Variants in GDPD5 observed in about 807,000 individuals in gnomAD.
The protein encoded by GDPD5 is glycerophosphodiester phosphodiesterase 2.
GDPD5 carries 48 observed loss-of-function variants against 75.1 expected under a neutral mutation model. The ratio of observed to expected loss-of-function variants is 0.64; its 90% CI spans 0.51 to 0.81. The LOEUF (loss-of-function observed/expected upper bound fraction) is 0.81. GDPD5 is among the 40% of genes least tolerant of loss of function. The pLI is 0.00. For missense variants in GDPD5, 706 were observed against 822.6 expected (o/e 0.86, Z 1.73); for synonymous variants, 336 against 339.0 (o/e 0.99, Z 0.10).
At chr11:75,462,184 G>A (rs1949428329) in intron 4 of GDPD5, among the ~76,000 whole-genome samples, 1 of 152,204 alleles carries the variant, frequency 6.6e-6, no homozygotes, top group South Asian at 2.1e-4. Context: ...GGTAACCAAA[G>A]GGCCCTGCCC....
chr11:75,441,939 G>T, intron 12 of GDPD5, 136 bp from the exon 13 acceptor site: 1 of 895,178 alleles, frequency 1.1e-6, no homozygotes, highest in Non-Finnish European at 1.7e-6. Context: ...TCATTAGCAG[G>T]GCAGGACTCA....
chr11:75,466,016 T>A (rs1161663893), intron 3 of GDPD5, among the ~76,000 whole-genome samples: 1 of 152,142 alleles, frequency 6.6e-6, no homozygotes, highest in Admixed American at 6.5e-5. Context: ...TCCTCAAGTG[T>A]CCAGATCCTT....
intron 3 of GDPD5, among the ~76,000 whole-genome samples, chr11:75,473,449 G>T (rs149521386): frequency 2.0e-5 from 3 of 152,010 alleles, no homozygotes; most frequent in African/African-American, 7.2e-5. Context: ...CAGCCAGTCC[G>T]TTGATACCTT....
intron 1 of GDPD5, among the ~76,000 whole-genome samples, chr11:75,523,545 G>A (rs548167295): frequency 5.9e-5 from 9 of 152,180 alleles, no homozygotes; most frequent in Non-Finnish European, 1.3e-4. Flanking sequence ...AACTGAGCAG[G>A]TAACACACAG....
intron 9 of GDPD5, among the ~76,000 whole-genome samples, chr11:75,447,388 T>G (rs482503): frequency 0.56 from 85,617 of 151,970 alleles, 25,091 homozygotes; most frequent in East Asian, 0.8. Flanking sequence ...ACAGCATTGT[T>G]GCTATGCATC....
At chr11:75,495,850 C>A (rs1055104482) in intron 1 of GDPD5, among the ~76,000 whole-genome samples, 7 of 152,220 alleles carry the variant, frequency 4.6e-5, no homozygotes, top group Non-Finnish European at 8.8e-5. Flanking sequence ...GGCCTAGACC[C>A]CCTGTGCTGG....
At chr11:75,482,644 G>T (rs1949944418) in intron 2 of GDPD5, among the ~76,000 whole-genome samples, 1 of 152,200 alleles carries the variant, frequency 6.6e-6, no homozygotes, top group Non-Finnish European at 1.5e-5. Context: ...CAGCTGGACT[G>T]AACTTCCTAA....
At chr11:75,480,196 A>G (rs1169342926) in intron 2 of GDPD5, among the ~76,000 whole-genome samples, 1 of 152,090 alleles carries the variant, frequency 6.6e-6, no homozygotes, top group Non-Finnish European at 1.5e-5. Flanking sequence ...TTAGCTGGGC[A>G]TGGTGGTGGG....
intron 3 of GDPD5, among the ~76,000 whole-genome samples, chr11:75,471,268 A>G (rs372941009): frequency 3.9e-5 from 6 of 152,126 alleles, no homozygotes; most frequent in East Asian, 3.9e-4. Flanking sequence ...CTGATCCGGG[A>G]GATTTGGGGG....
In GDPD5 at chr11:75,482,045, TC is replaced by T. The variant is rs1450009923; in HGVS notation, c.-60-4251del. ...ATGCACGTGGGAGCCCGCCCCAGGT[TC>T]CCCTGCCTTCACACTCCTTTCCCGG... On this transcript the variant is annotated intron_variant, in intron 2 of 16. Transcript: ENST00000336898. Among the ~76,000 whole-genome samples, 5 of 152,018 alleles carry T rather than the reference TC, an allele frequency of 3.3e-5. 1 individual carries two copies. Among genetic ancestry groups the T allele is most frequent in the African/African-American group, 7.3e-5 (3 of 41,370 alleles).
At chr11:75,506,490 T>C (rs987421658) in intron 1 of GDPD5, among the ~76,000 whole-genome samples, 3 of 152,186 alleles carry the variant, frequency 2.0e-5, no homozygotes, top group Non-Finnish European at 4.4e-5. Flanking sequence ...CGGCTGCTAC[T>C]TAAATCGCAC....
chr11:75,472,133 T>C (rs527426281), intron 3 of GDPD5, among the ~76,000 whole-genome samples: 1 of 152,202 alleles, frequency 6.6e-6, no homozygotes, highest in African/African-American at 2.4e-5. Flanking sequence ...CATGATCTAA[T>C]TGTATCTGTA....
At chr11:75,510,478 C>T (rs1950490765) in intron 1 of GDPD5, among the ~76,000 whole-genome samples, 1 of 152,202 alleles carries the variant, frequency 6.6e-6, no homozygotes, top group Non-Finnish European at 1.5e-5. Flanking sequence ...CTCAGACCCT[C>T]AAAATCTGCC....
intron 6 of GDPD5, chr11:75,451,849 C>T: frequency 6.6e-6 from 1 of 152,298 alleles, no homozygotes; most frequent in East Asian, 1.9e-4. Context: ...AGCAGCATCA[C>T]TGCATGTTCA....
chr11:75,509,449 A>G (rs1393802375), intron 1 of GDPD5, among the ~76,000 whole-genome samples: 1 of 152,236 alleles, frequency 6.6e-6, no homozygotes. Flanking sequence ...CAGTGAGCTG[A>G]TGCCAGGGAG....
At chr11:75,504,267 T>C (rs1413950709) in intron 1 of GDPD5, among the ~76,000 whole-genome samples, 1 of 152,194 alleles carries the variant, frequency 6.6e-6, no homozygotes, top group Non-Finnish European at 1.5e-5. Context: ...ACATGAACAA[T>C]TTCTACTCCT....
chr11:75,456,516 C>T, intron 6 of GDPD5: 1 of 561,642 alleles, frequency 1.8e-6, no homozygotes. Flanking sequence ...CTTCAGTTTC[C>T]CCAACCACAA....
chr11:75,506,415 T>C (rs185290164), intron 1 of GDPD5, among the ~76,000 whole-genome samples: 2 of 152,240 alleles, frequency 1.3e-5, no homozygotes, highest in South Asian at 2.1e-4. Flanking sequence ...CCCCTCCACC[T>C]AGGAGGACCC....
intron 1 of GDPD5, among the ~76,000 whole-genome samples, chr11:75,491,172 G>A (rs76437456): frequency 0.014 from 2,089 of 152,252 alleles, 30 homozygotes; most frequent in Non-Finnish European, 0.019. Context: ...GTGAACCAGA[G>A]GTGGACAGAG....
Sources: allele counts gnomAD v4.1 joint callset (sites outside exome capture counted in the v4.1 genomes callset), GRCh38; gene constraint gnomAD v4.1.1; transcripts MANE v1.5; gene names NCBI Gene and HGNC (gene_info 2026-07-23, HGNC 2026-07-21).